Variants in WWOX observed in about 807,000 individuals in gnomAD.
The protein encoded by WWOX is WW domain-containing oxidoreductase.
A neutral mutation model predicts 46.2 loss-of-function variants in WWOX; 69 were observed. The observed-to-expected ratio is 1.49, with a 90% confidence interval of 1.23 to 1.82. The LOEUF is 1.82. WWOX is among the 40% of genes most tolerant of loss of function. WWOX has a pLI of 0.00. For synonymous variants in WWOX, 359 were observed against 202.6 expected, an observed-to-expected ratio of 1.77 and a Z score of -6.56; for missense variants, 919 against 542.6, an observed-to-expected ratio of 1.69 and a Z score of -6.89.
chr16:79,167,496 T>C (rs761039309), intron 8 of WWOX, among the ~76,000 whole-genome samples: 1 of 152,156 alleles, frequency 6.6e-6, no homozygotes, highest in Non-Finnish European at 1.5e-5. Context: ...ATCTCTGGTG[T>C]GTCCATCATG....
At chr16:78,732,458 G>A (rs903389194) in intron 8 of WWOX, among the ~76,000 whole-genome samples, 5 of 152,160 alleles carry the variant, frequency 3.3e-5, no homozygotes, top group Admixed American at 2.6e-4. Flanking sequence ...GATGATTCCA[G>A]TTTCCAAACA....
At position 78,653,551 on chromosome 16, in the gene WWOX, G is replaced by A. The variant is rs927868318; in HGVS notation, c.1056+220799G>A. On this transcript the variant is annotated intron_variant, in intron 8 of 8. Coordinates refer to ENST00000566780, the MANE Select transcript of WWOX (RefSeq NM_016373.4). Reference sequence around the variant, plus strand: ...TCCTACTCCTAAAAGAGATACACAGGAAGAGAGACCTTCTGCTTCCTCTGG... The same window carrying A: ...TCCTACTCCTAAAAGAGATACACAGAAAGAGAGACCTTCTGCTTCCTCTGG... 5.5e-4 allele frequency among the ~76,000 whole-genome samples: 84 copies of A among 152,344 alleles called. 1 individual carries two copies. Among genetic ancestry groups the A allele is most frequent in the African/African-American group, 1.7e-3 (71 of 41,586 alleles).
chr16:78,713,738 G>A (rs1251075857), intron 8 of WWOX, among the ~76,000 whole-genome samples: 1 of 152,184 alleles, frequency 6.6e-6, no homozygotes, highest in East Asian at 1.9e-4. Flanking sequence ...CCTTGAATGT[G>A]CAGCCTTCAG....
At chr16:78,303,507 T>G (rs563544293) in intron 5 of WWOX, among the ~76,000 whole-genome samples, 1 of 152,262 alleles carries the variant, frequency 6.6e-6, no homozygotes, top group African/African-American at 2.4e-5. Context: ...TCACCACCTG[T>G]GCTCTTTCGT....
At chr16:79,066,619 G>A (rs2048446621) in intron 8 of WWOX, among the ~76,000 whole-genome samples, 1 of 152,220 alleles carries the variant, frequency 6.6e-6, no homozygotes, top group South Asian at 2.1e-4. Context: ...AAGGCCAGCA[G>A]AACTGAACAA....
intron 8 of WWOX, among the ~76,000 whole-genome samples, chr16:78,619,064 G>A (rs143564407): frequency 0.024 from 3,415 of 142,238 alleles, 163 homozygotes; most frequent in African/African-American, 0.088. Context: ...GGGAGGCTGA[G>A]GTGGGAGGAT....
intron 8 of WWOX, among the ~76,000 whole-genome samples, chr16:78,944,183 C>T (rs1432666283): frequency 2.0e-5 from 3 of 152,128 alleles, no homozygotes; most frequent in Non-Finnish European, 4.4e-5. Flanking sequence ...AGACTCAGCA[C>T]AACACATCCC....
intron 8 of WWOX, among the ~76,000 whole-genome samples, chr16:79,127,238 C>G (rs544421610): frequency 6.6e-6 from 1 of 151,978 alleles, no homozygotes; most frequent in Non-Finnish European, 1.5e-5. Flanking sequence ...GTTAAAATCT[C>G]CCTCTACCCC....
intron 5 of WWOX, among the ~76,000 whole-genome samples, chr16:78,212,201 G>A (rs2036581515): frequency 6.6e-6 from 1 of 152,182 alleles, no homozygotes; most frequent in Non-Finnish European, 1.5e-5. Context: ...TTCTTTGGCA[G>A]TCTAGTGCTG....
At chr16:78,979,689 G>A (rs1205582173) in intron 8 of WWOX, among the ~76,000 whole-genome samples, 1 of 152,126 alleles carries the variant, frequency 6.6e-6, no homozygotes, top group Admixed American at 6.5e-5. Flanking sequence ...CAGAGCCTGT[G>A]TAGCCGTCCA....
intron 8 of WWOX, among the ~76,000 whole-genome samples, chr16:78,603,282 C>G: frequency 6.6e-6 from 1 of 152,164 alleles, no homozygotes. Context: ...ACTGGAGGAG[C>G]CAGAAGGTCC....
chr16:78,970,979 T>G (rs1468499286), intron 8 of WWOX, among the ~76,000 whole-genome samples: 3 of 152,178 alleles, frequency 2.0e-5, no homozygotes, highest in Non-Finnish European at 4.4e-5. Context: ...GAGAAACAGC[T>G]GCCAGAAAAT....
At chr16:79,086,865 A>G (rs946993572) in intron 8 of WWOX, among the ~76,000 whole-genome samples, 20 of 152,222 alleles carry the variant, frequency 1.3e-4, no homozygotes, top group African/African-American at 4.6e-4. Context: ...CCTGGGTGAC[A>G]GAGTGAGACC....
At chr16:78,201,039 A>C (rs940962157) in intron 5 of WWOX, among the ~76,000 whole-genome samples, 1 of 152,240 alleles carries the variant, frequency 6.6e-6, no homozygotes, top group African/African-American at 2.4e-5. Context: ...AGAGCTGAAG[A>C]GAATATGACC....
chr16:78,953,183 A>G (rs1028933875), intron 8 of WWOX, among the ~76,000 whole-genome samples: 1 of 152,108 alleles, frequency 6.6e-6, no homozygotes, highest in African/African-American at 2.4e-5. Flanking sequence ...GGTTCTGACC[A>G]GGCAGGATAA....
intron 8 of WWOX, among the ~76,000 whole-genome samples, chr16:79,040,297 C>T (rs1345146026): frequency 3.9e-5 from 5 of 129,084 alleles, no homozygotes; most frequent in African/African-American, 6.0e-5. Context: ...TTTTTTGAGA[C>T]AAGGTCTCAT....
chr16:79,024,281 C>T (rs976582685), intron 8 of WWOX, among the ~76,000 whole-genome samples: 1 of 152,112 alleles, frequency 6.6e-6, no homozygotes, highest in Non-Finnish European at 1.5e-5. Flanking sequence ...CTTTTAGGGA[C>T]AGGGCCTTAC....
chr16:78,337,172 T>C (rs1252770710), intron 5 of WWOX, among the ~76,000 whole-genome samples: 1 of 152,198 alleles, frequency 6.6e-6, no homozygotes, highest in East Asian at 1.9e-4. Context: ...AGGTAGCCAG[T>C]TTATAACCTG....
chr16:79,209,123 G>GC (rs1365325142), intron 8 of WWOX, among the ~76,000 whole-genome samples: 10 of 152,318 alleles, frequency 6.6e-5, no homozygotes, highest in Admixed American at 6.5e-4. Context: ...AGGAATCAAA[G>GC]CCATCTCCTG....
Sources: gnomAD v4.1 joint callset for allele counts (sites outside exome capture counted in the v4.1 genomes callset) on GRCh38, gnomAD v4.1.1 for gene constraint, MANE v1.5 for transcripts, NCBI Gene and HGNC (gene_info 2026-07-23, HGNC 2026-07-21) for gene names.